Variants in LZTS3 observed in about 807,000 individuals in gnomAD.
LZTS3 encodes leucine zipper tumor suppressor family member 3, also known as leucine zipper putative tumor suppressor 3.
A neutral mutation model predicts 50.9 loss-of-function variants in LZTS3; 16 were observed. The observed-to-expected ratio is 0.31, with a 90% CI of 0.21 to 0.48. LZTS3 has a LOEUF of 0.48. LZTS3 is among the 20% of genes least tolerant of loss of function. The pLI is 0.99. For synonymous variants in LZTS3, 408 were observed against 410.6 expected (o/e 0.99, Z 0.08); for missense variants, 816 against 931.0 (o/e 0.88, Z 1.61).
At chr20:3,172,572 A>C (rs2066913284) in intron 1 of LZTS3, among the ~76,000 whole-genome samples, 1 of 152,074 alleles carries the variant, frequency 6.6e-6, no homozygotes, top group East Asian at 1.9e-4. Context: ...TCCACCCCCC[A>C]GAGGGGGCAT....
chr20:3,164,214 C>G lies in LZTS3; in HGVS notation c.*240G>C. 1 of 435,898 alleles carries G rather than the reference C, an allele frequency of 2.3e-6. No individual in the cohort carries two copies. The highest frequency in any genetic ancestry group is 4.0e-6 in the Non-Finnish European group (1 of 252,172). 27.0% of individuals were successfully genotyped at this position (435,898 alleles called of 1,614,324 possible). On this transcript the variant is annotated 3_prime_UTR_variant, in exon 5 of 5. Coordinates refer to ENST00000337576, the MANE Select transcript of LZTS3 (RefSeq NM_001365618.1). Reference sequence around the variant, plus strand: ...GACTCCCCCACCACCTAGGATTGCCCCCACTCACCCTGCCCTCCTCCTATT... The same window carrying G: ...GACTCCCCCACCACCTAGGATTGCCGCCACTCACCCTGCCCTCCTCCTATT...
Position 3,166,692 on chromosome 20 carries a change from C to T in LZTS3, c.459+13G>A, listed in dbSNP as rs368176397. Reference sequence around the variant, plus strand: ...GAAAAAGGCTGTGAGGGTCTCAGGCCCTGCGGACTGACCTGGTCTAGCTTG... The same window carrying T: ...GAAAAAGGCTGTGAGGGTCTCAGGCTCTGCGGACTGACCTGGTCTAGCTTG... On this transcript the variant is annotated intron_variant, in intron 3 of 4. Transcript: ENST00000337576. 13 of 1,608,892 alleles carry T rather than the reference C, an allele frequency of 8.1e-6. No homozygotes were observed. Among genetic ancestry groups the T allele is most frequent in the Non-Finnish European group, 1.0e-5 (12 of 1,176,036 alleles).
In LZTS3 at chr20:3,162,806, G is replaced by C. The variant is rs1009979986; in HGVS notation, c.*1648C>G. ...CTTACTAATGCCTTCTCTTCTCCCT[G>C]CCCCTGTGGCCTAGGCCCAGGTTCT... is the stretch of plus-strand genomic sequence containing the variant. On this transcript the variant is annotated 3_prime_UTR_variant, in exon 5 of 5. Coordinates refer to ENST00000337576, the MANE Select transcript of LZTS3 (RefSeq NM_001365618.1). The surrounding 1 kb of genome is among the most constrained non-coding windows in gnomAD (Gnocchi z 5.0). 1.3e-5 allele frequency: 2 copies of C among 152,264 alleles called. No individual in the cohort carries two copies. Among genetic ancestry groups the C allele is most frequent in the Non-Finnish European group, 2.9e-5 (2 of 67,996 alleles). The allele number at this position is 152,264 out of a possible 1,614,324, so 9.4% of individuals were successfully genotyped here.
chr20:3,167,622 G>C (rs1415471949), intron 2 of LZTS3, 116 bp downstream of exon 2: 2 of 991,364 alleles, frequency 2.0e-6, no homozygotes, highest in Non-Finnish European at 2.4e-6. Context: ...AAATGGGGTT[G>C]GAAGGGGAGA....
chr20:3,171,687 G>A (rs1207401486), intron 1 of LZTS3, among the ~76,000 whole-genome samples: 2 of 150,866 alleles, frequency 1.3e-5, no homozygotes, highest in East Asian at 3.9e-4. Context: ...AAAAATCCCA[G>A]CAGGACACCG....
chr20:3,166,460 C>T, intron 3 of LZTS3, 100 bp from the exon 4 acceptor site: 2 of 1,405,752 alleles, frequency 1.4e-6, no homozygotes, highest in Non-Finnish European at 1.9e-6. Flanking sequence ...CACCTCCCAC[C>T]CCTACTGGAT....
intron 1 of LZTS3, among the ~76,000 whole-genome samples, chr20:3,170,690 G>A (rs1286028249): frequency 6.6e-6 from 1 of 152,060 alleles, no homozygotes; most frequent in Non-Finnish European, 1.5e-5. Flanking sequence ...CTACTCAGGA[G>A]GCTGAGGCGG....
chr20:3,165,246 T>C lies in LZTS3; in HGVS notation c.1324-94A>G, dbSNP rs1175651322. The C allele has an allele frequency of 5.4e-6, 7 of 1,292,946 alleles. No individual in the cohort carries two copies. Among genetic ancestry groups the C allele is most frequent in the Non-Finnish European group, 7.2e-6 (7 of 970,100 alleles). 80.1% of individuals were successfully genotyped at this position (1,292,946 alleles called of 1,614,324 possible). On this transcript the variant is annotated intron_variant, in intron 4 of 4. Transcript: ENST00000337576. This position sits in a 1 kb window ranked among gnomAD's most constrained non-coding sequence, Gnocchi z 5.0. ...AGATCTGGAGCCAGGGGCACCAAGC[T>C]TCCCGGGGCTGCAGGCTCAGCCCCT...
In LZTS3 at chr20:3,167,100, C is replaced by T. The variant is rs140591191; in HGVS notation, c.64G>A (p.Ala22Thr). ...GGTCCAAGCTCGGAGGGCCGTGGGG[C>T]AAAGGCCAGGAGAGGATCCCGCCCT... ...DPGRDPLLAF[A>T]PRPSELGPPD... is the part of the protein sequence containing the mutation. The change falls in exon 3 of 5, where the codon GCC becomes ACC. Residue 22 changes from alanine to threonine, a missense_variant. By Grantham distance (58) the Ala-to-Thr change is moderately conservative (BLOSUM62 0). Transcript: ENST00000337576. The T allele has an allele frequency of 2.9e-4, 444 of 1,534,406 alleles. 5 individuals are homozygous for T. In the East Asian group the frequency reaches 6.7e-3, roughly 23 times the overall value.
rs559980389 is a variant in LZTS3 at position 3,170,414 on chromosome 20, G to A, written c.-242-2453C>T. 7.0e-5 allele frequency among the ~76,000 whole-genome samples: 10 copies of A among 142,152 alleles called. No individual in the cohort carries two copies. In the East Asian group the frequency reaches 1.9e-3, roughly 27 times the overall value. The allele number at this position is 142,152 out of a possible 152,430, so 93.3% of individuals were successfully genotyped here. On this transcript the variant is annotated intron_variant, in intron 1 of 4. Transcript: ENST00000337576. ...TGAGGTGGGAGAATCACTGGAACCC[G>A]GGAGGCAGAAGTTGCAGTAAGCCGA...
chr20:3,167,714 G>A, intron 2 of LZTS3, 24 bp downstream of exon 2: 2 of 985,924 alleles, frequency 2.0e-6, no homozygotes, highest in Non-Finnish European at 2.4e-6. Flanking sequence ...AATTGAGGGT[G>A]GGGGTCCTTC....
chr20:3,164,953 C>G lies in LZTS3; in HGVS notation c.1523G>C (p.Gly508Ala), dbSNP rs1372393782. 1.3e-6 allele frequency: 2 copies of G among 1,554,920 alleles called. No individual in the cohort carries two copies. The highest frequency in any genetic ancestry group is 1.7e-4 in the Middle Eastern group (1 of 5,956). ...GCAGGCGGCAGGCAGCTCGCCTTCGCCCAGCTCCAGGCTGGCCTGCTTGCT... is the reference window on the plus strand; with the variant it reads ...GCAGGCGGCAGGCAGCTCGCCTTCGGCCAGCTCCAGGCTGGCCTGCTTGCT... ...FSSKQASLEL[G>A]EGELPAACLK... The change falls in exon 5 of 5, where the codon GGC becomes GCC. Residue 508 changes from glycine to alanine, a missense_variant. This residue lies in a region of LZTS3 where 700 missense variants were observed against 769.4 expected (regional missense o/e 0.91). Coordinates refer to ENST00000337576, the MANE Select transcript of LZTS3 (RefSeq NM_001365618.1).
intron 1 of LZTS3, among the ~76,000 whole-genome samples, chr20:3,172,099 A>G (rs561385907): frequency 1.3e-5 from 2 of 152,042 alleles, no homozygotes; most frequent in East Asian, 1.9e-4. Context: ...GGGCTCCTCA[A>G]TGGACTTTCT....
Position 3,164,496 on chromosome 20 carries a change from C to A in LZTS3, c.1980G>T (p.Trp660Cys), listed in dbSNP as rs746616103. 1 of 1,577,396 alleles carries A rather than the reference C, an allele frequency of 6.3e-7. No individual in the cohort carries two copies. Among genetic ancestry groups the A allele is most frequent in the East Asian group, 2.4e-5 (1 of 42,324 alleles). The change falls in exon 5 of 5, where the codon TGG (tryptophan) becomes TGT (cysteine). Residue 660 changes from tryptophan (W) to cysteine (C), a missense_variant. Coordinates refer to ENST00000337576, the MANE Select transcript of LZTS3 (RefSeq NM_001365618.1). ...TPQHGEEKKA[W>C]TPSRLERIES... is the part of the protein sequence containing the mutation. ...CAATGCGCTCGAGGCGGGAGGGGGT[C>A]CAGGCCTTCTTCTCCTCGCCATGCT...
chr20:3,167,240 C>G (rs1164701635), intron 2 of LZTS3, 59 bp from the exon 3 acceptor site: 20 of 1,422,266 alleles, frequency 1.4e-5, no homozygotes, highest in Admixed American at 2.9e-5. Context: ...TCCCACCACC[C>G]CAGCCAAGTC....
rs868333680 is a variant in LZTS3, at chr20:3,164,900, G to T, written c.1576C>A (p.Pro526Thr). ...GCCAGAGCATCCTGTGGCTCGGCCG[G>T]GTCCACGGGGGTCAGCGCCGGCTTG... ...CLKPALTPVD[P>T]AEPQDALATC... is the part of the protein sequence containing the mutation. Residue 526 changes from proline (P) to threonine (T), a missense_variant, in exon 5 of 5, where the codon CCG becomes ACG. Pro to Thr is a conservative substitution (Grantham distance 38, BLOSUM62 -1). This residue lies in a region of LZTS3 where 700 missense variants were observed against 769.4 expected (regional missense o/e 0.91). Coordinates refer to ENST00000337576, the MANE Select transcript of LZTS3 (RefSeq NM_001365618.1). 2 of 1,549,260 alleles carry T rather than the reference G, an allele frequency of 1.3e-6. No homozygotes were observed. The highest frequency in any genetic ancestry group is 1.7e-6 in the Non-Finnish European group (2 of 1,153,842).
At chr20:3,173,069 C>T (rs1431973300) in intron 1 of LZTS3, among the ~76,000 whole-genome samples, 2 of 152,020 alleles carry the variant, frequency 1.3e-5, no homozygotes, top group Non-Finnish European at 2.9e-5. Flanking sequence ...GGGGGGTCGC[C>T]ATTCACCAGC....
rs981320932 is a variant in LZTS3 at position 3,164,304 on chromosome 20, G to C, written c.*150C>G. Reference sequence around the variant, plus strand: ...CAGTGCTGGAGCTAGGAGGGCAGGTGGGGAGGGAGGAACCTGGTCACAGCT... The same window carrying C: ...CAGTGCTGGAGCTAGGAGGGCAGGTCGGGAGGGAGGAACCTGGTCACAGCT... On this transcript the variant is annotated 3_prime_UTR_variant, in exon 5 of 5. Transcript: ENST00000337576. 8.5e-5 allele frequency: 67 copies of C among 787,098 alleles called. No individual in the cohort carries two copies. In the East Asian group the frequency reaches 2.2e-3, roughly 25 times the overall value. 48.8% of individuals were successfully genotyped at this position (787,098 alleles called of 1,614,324 possible). A position where few individuals can be genotyped will look rare whatever the true frequency, so the allele number is the denominator to read the frequency against.
chr20:3,166,827 C>T lies in LZTS3; in HGVS notation c.337G>A (p.Gly113Ser). 1.2e-6 allele frequency: 2 copies of T among 1,613,882 alleles called. No individual in the cohort carries two copies. The highest frequency in any genetic ancestry group is 1.1e-5 in the South Asian group (1 of 91,086). The change falls in exon 3 of 5, where the codon GGC becomes AGC. Residue 113 changes from glycine (G) to serine (S), a missense_variant. Gly to Ser is a moderately conservative substitution (Grantham distance 56). This residue lies in a region of LZTS3 where 700 missense variants were observed against 769.4 expected (regional missense o/e 0.91). Coordinates refer to ENST00000337576, the MANE Select transcript of LZTS3 (RefSeq NM_001365618.1). The part of the protein sequence containing the change: ...LRGSDHTDVC[G>S]NVVGSSGGSS... ...CCTCCGCTGCTGCCAACCACGTTGC[C>T]ACAGACATCGGTGTGGTCACTGCCC...
Sources: gnomAD v4.1 joint callset for allele counts (sites outside exome capture counted in the v4.1 genomes callset) on GRCh38, gnomAD v4.1.1 for gene constraint, gnomAD v4.1.1 regional missense constraint, Gnocchi (gnomAD v3.1) non-coding constraint, MANE v1.5 for transcripts, NCBI Gene and HGNC (gene_info 2026-07-23, HGNC 2026-07-21) for gene names.